The following LRRC49 variants were observed in gnomAD, a reference collection of about 807,000 sequenced individuals.
The protein encoded by LRRC49 is leucine-rich repeat-containing protein 49.
A neutral mutation model predicts 83.3 loss-of-function variants in LRRC49; 50 were observed. The observed-to-expected ratio is 0.60, with a 90% CI of 0.48 to 0.76. The LOEUF (loss-of-function observed/expected upper bound fraction) is 0.76. Ranked by LOEUF, LRRC49 falls within the 30% of genes least tolerant of loss-of-function variation. The pLI, the probability that LRRC49 is intolerant of heterozygous loss-of-function variation, is 0.00. For missense variants in LRRC49, 704 were observed against 809.1 expected, an observed-to-expected ratio of 0.87 and a Z score of 1.58; for synonymous variants, 286 against 283.3, an observed-to-expected ratio of 1.01 and a Z score of -0.10.
rs543013313 is a variant in LRRC49 at position 70,983,584 on chromosome 15, A to G, written c.1006-510A>G. On this transcript the variant is annotated intron_variant, in intron 10 of 15. Coordinates refer to ENST00000260382, the MANE Select transcript of LRRC49 (RefSeq NM_017691.5). Reference sequence around the variant, plus strand: ...AGAGAATAATTTTTAAATTTCAGACAGTATAATTTATTCTGAGAAACTTGG... The same window carrying G: ...AGAGAATAATTTTTAAATTTCAGACGGTATAATTTATTCTGAGAAACTTGG... Among the ~76,000 whole-genome samples the G allele has an allele frequency of 9.9e-5, 15 of 152,252 alleles. No individual in the cohort carries two copies. The East Asian group carries it at 2.7e-3, about 27-fold the overall frequency.
upstream of LRRC49, chr15:70,892,399 C>T: frequency 6.5e-7 from 1 of 1,542,000 alleles, no homozygotes; most frequent in Non-Finnish European, 8.7e-7. Context: ...GGGATTGTTT[C>T]CTTCCCTACC....
At chr15:70,893,517 T>C (rs1567039445) in intron 1 of LRRC49, 67 bp from the exon 2 acceptor site, 1 of 668,832 alleles carries the variant, frequency 1.5e-6, no homozygotes, top group Non-Finnish European at 2.2e-6. Flanking sequence ...TTTGTACCTT[T>C]TTTTTTTTTG....
intron 1 of LRRC49, among the ~76,000 whole-genome samples, chr15:70,854,463 G>A (rs2032599634): frequency 6.6e-6 from 1 of 152,144 alleles, no homozygotes; most frequent in South Asian, 2.1e-4. Flanking sequence ...CTTCTTTCAC[G>A]GCGCCGCAGG....
Position 71,049,624 on chromosome 15 carries a change from A to T in LRRC49, c.*12A>T. 6.3e-7 allele frequency: 1 copy of T among 1,584,788 alleles called. No homozygotes were observed. Among genetic ancestry groups the T allele is most frequent in the Non-Finnish European group, 8.6e-7 (1 of 1,163,682 alleles). ...CAGACCAAAAATAAAAATGGCCTTT[A>T]GTTACAGTTGATTTTGGCAGTTTTA... On this transcript the variant is annotated 3_prime_UTR_variant, in exon 16 of 16. Coordinates refer to ENST00000260382, the MANE Select transcript of LRRC49 (RefSeq NM_017691.5).
At chr15:71,036,849 G>A (rs114486696) in intron 14 of LRRC49, among the ~76,000 whole-genome samples, 1 of 152,280 alleles carries the variant, frequency 6.6e-6, no homozygotes, top group African/African-American at 2.4e-5. Flanking sequence ...GACTTTGAAA[G>A]TTTGACCTAC....
chr15:70,893,124 T>A, intron 1 of LRRC49, 182 bp downstream of exon 1: 1 of 667,328 alleles, frequency 1.5e-6, no homozygotes, highest in Non-Finnish European at 2.6e-6. Context: ...GTATGATGGG[T>A]ACTCAAAGTC....
intron 7 of LRRC49, among the ~76,000 whole-genome samples, chr15:70,933,108 A>G (rs1221368309): frequency 6.6e-6 from 1 of 152,174 alleles, no homozygotes; most frequent in Non-Finnish European, 1.5e-5. Context: ...TCAGAAAACA[A>G]ATCAGTATTT....
At chr15:70,889,741 G>C (rs544294622), upstream of LRRC49, among the ~76,000 whole-genome samples, 1 of 152,246 alleles carries the variant, frequency 6.6e-6, no homozygotes, top group South Asian at 2.1e-4. Context: ...CAAGCACCCA[G>C]AACAGTGTCT....
At chr15:70,882,507 C>A (rs746783487) in intron 2 of LRRC49, 1 of 1,613,844 alleles carries the variant, frequency 6.2e-7, no homozygotes, top group Non-Finnish European at 8.5e-7. Flanking sequence ...TCACTCTGTT[C>A]ACTCTTGATA....
chr15:70,951,026 CA>C (rs1384197475), intron 8 of LRRC49, among the ~76,000 whole-genome samples: 2 of 152,056 alleles, frequency 1.3e-5, no homozygotes, highest in Non-Finnish European at 2.9e-5. Flanking sequence ...ATACTTTCCC[CA>C]TTGTTTGTTA....
At chr15:70,946,686 G>T (rs944424174) in intron 8 of LRRC49, among the ~76,000 whole-genome samples, 2 of 151,866 alleles carry the variant, frequency 1.3e-5, no homozygotes, top group Non-Finnish European at 2.9e-5. Context: ...TATAATGATT[G>T]TACTAATTTA....
intron 11 of LRRC49, among the ~76,000 whole-genome samples, chr15:70,989,488 T>A (rs2051463700): frequency 6.6e-6 from 1 of 152,218 alleles, no homozygotes; most frequent in Non-Finnish European, 1.5e-5. Context: ...CTCCATCAGC[T>A]CCTTTCAGCA....
chr15:70,896,421 C>T (rs991853588), intron 3 of LRRC49, among the ~76,000 whole-genome samples: 1 of 151,996 alleles, frequency 6.6e-6, no homozygotes, highest in Admixed American at 6.6e-5. Flanking sequence ...CTTAGTGCTC[C>T]CCCTCCATCT....
intron 7 of LRRC49, among the ~76,000 whole-genome samples, chr15:70,923,182 GAAATGTATGGA>G (rs2035069977): frequency 6.6e-6 from 1 of 151,908 alleles, no homozygotes; most frequent in Non-Finnish European, 1.5e-5. Context: ...TTAACATTTT[GAAATGTATGGA>G]TTTTTTATTC....
chr15:70,859,322 T>C (rs549512873), intron 1 of LRRC49: 2 of 788,684 alleles, frequency 2.5e-6, no homozygotes, highest in African/African-American at 3.4e-5. Context: ...GGATGAAGCT[T>C]ACATGAACAA....
upstream of LRRC49, chr15:70,892,457 T>C: frequency 1.3e-6 from 2 of 1,533,640 alleles, no homozygotes; most frequent in Non-Finnish European, 8.7e-7. Flanking sequence ...GGAGGGCTCT[T>C]TGATATCTTC....
intron 6 of LRRC49, among the ~76,000 whole-genome samples, chr15:70,912,320 G>A (rs761394188): frequency 6.6e-5 from 10 of 151,986 alleles, no homozygotes; most frequent in African/African-American, 2.4e-4. Context: ...GAACTTTCTT[G>A]TACAAGTCTC....
chr15:70,903,042 A>G (rs2034149545), intron 4 of LRRC49, among the ~76,000 whole-genome samples: 1 of 152,012 alleles, frequency 6.6e-6, no homozygotes, highest in African/African-American at 2.4e-5. Context: ...AAGAGGGAGG[A>G]TGGAGGTTAT....
At chr15:70,978,304 C>T (rs2037279643) in intron 9 of LRRC49, among the ~76,000 whole-genome samples, 1 of 152,132 alleles carries the variant, frequency 6.6e-6, no homozygotes, top group Admixed American at 6.6e-5. Flanking sequence ...CATTCTAGTA[C>T]TCAGGCTTTC....
Sources: gnomAD v4.1 joint callset for allele counts (sites outside exome capture counted in the v4.1 genomes callset) on GRCh38, gnomAD v4.1.1 for gene constraint, MANE v1.5 for transcripts, NCBI Gene and HGNC (gene_info 2026-07-23, HGNC 2026-07-21) for gene names.